ROBO2: variants seen among roughly 807,000 people sequenced by gnomAD.
ROBO2 encodes the protein roundabout guidance receptor 2, also known as roundabout homolog 2.
In ROBO2, 53 loss-of-function variants were observed where a neutral mutation model predicts 160.8. That is an observed-to-expected ratio of 0.33 (90% CI 0.26 to 0.41). The LOEUF is 0.41. Among genes scored for constraint, ROBO2 ranks in the 10% least tolerant of loss-of-function variants. The pLI, the probability that ROBO2 is intolerant of heterozygous loss-of-function variation, is 1.00. For missense variants in ROBO2, 1,577 were observed against 1,722.4 expected, an observed-to-expected ratio of 0.92 and a Z score of 1.49; for synonymous variants, 664 against 611.7, an observed-to-expected ratio of 1.09 and a Z score of -1.26.
chr3:77,126,199 A>T (rs1056729880), intron 2 of ROBO2, among the ~76,000 whole-genome samples: 2 of 152,186 alleles, frequency 1.3e-5, no homozygotes, highest in Non-Finnish European at 2.9e-5. Context: ...AATTGTGATG[A>T]CTTGTAGCTG....
intron 2 of ROBO2, among the ~76,000 whole-genome samples, chr3:77,207,543 A>G (rs1579980441): frequency 6.6e-6 from 1 of 152,340 alleles, no homozygotes; most frequent in Non-Finnish European, 1.5e-5. Context: ...AGGAATGTAC[A>G]TAAGTGGAGT....
At chr3:76,988,153 A>T (rs2060484532) in intron 2 of ROBO2, among the ~76,000 whole-genome samples, 1 of 152,216 alleles carries the variant, frequency 6.6e-6, no homozygotes. Context: ...GTAGATTTTT[A>T]AAATAATCAG....
chr3:77,214,362 T>C (rs924271817), intron 2 of ROBO2, among the ~76,000 whole-genome samples: 1 of 152,178 alleles, frequency 6.6e-6, no homozygotes, highest in Non-Finnish European at 1.5e-5. Flanking sequence ...TTGATCTTTG[T>C]TGGTTTAAAG....
chr3:77,491,960 A>T (rs1441484423), intron 4 of ROBO2, among the ~76,000 whole-genome samples: 1 of 152,134 alleles, frequency 6.6e-6, no homozygotes, highest in Non-Finnish European at 1.5e-5. Flanking sequence ...ATGGATCTTG[A>T]TTTAGTCAAT....
At chr3:76,391,589 T>G (rs959831972) in intron 2 of ROBO2, among the ~76,000 whole-genome samples, 1 of 152,064 alleles carries the variant, frequency 6.6e-6, no homozygotes, top group African/African-American at 2.4e-5. Flanking sequence ...TGGCACAATT[T>G]TGGTTCACTG....
chr3:76,716,057 A>C (rs1479674687), intron 2 of ROBO2, among the ~76,000 whole-genome samples: 1 of 151,734 alleles, frequency 6.6e-6, no homozygotes, highest in Non-Finnish European at 1.5e-5. Context: ...TTTGTAAATA[A>C]TACTAAAATG....
At chr3:77,487,306 T>C (rs1330363005) in intron 4 of ROBO2, among the ~76,000 whole-genome samples, 1 of 152,170 alleles carries the variant, frequency 6.6e-6, no homozygotes, top group Non-Finnish European at 1.5e-5. Context: ...TAAATACTAA[T>C]GGTGGAATGA....
chr3:77,045,650 C>G (rs1401211095), intron 1 of ROBO2, among the ~76,000 whole-genome samples: 2 of 152,164 alleles, frequency 1.3e-5, no homozygotes, highest in Non-Finnish European at 1.5e-5. Context: ...AATGAGGAAC[C>G]ATTTTTCACT....
At chr3:76,335,767 A>G (rs921217831) in intron 2 of ROBO2, among the ~76,000 whole-genome samples, 10 of 151,822 alleles carry the variant, frequency 6.6e-5, no homozygotes, top group East Asian at 5.9e-4. Flanking sequence ...TAGTAGAGAC[A>G]GGGTTTCACC....
intron 2 of ROBO2, among the ~76,000 whole-genome samples, chr3:76,740,220 G>A (rs746723119): frequency 6.6e-6 from 1 of 152,134 alleles, no homozygotes; most frequent in Non-Finnish European, 1.5e-5. Context: ...ATAAAAAGGA[G>A]AAAAATGTCT....
intron 2 of ROBO2, among the ~76,000 whole-genome samples, chr3:76,918,472 G>A (rs901137666): frequency 2.6e-5 from 4 of 152,132 alleles, no homozygotes; most frequent in Admixed American, 1.3e-4. Context: ...TGTGAGAACA[G>A]ACTAATACAA....
intron 2 of ROBO2, among the ~76,000 whole-genome samples, chr3:76,276,287 T>A (rs766749884): frequency 1.4e-4 from 22 of 152,096 alleles, no homozygotes; most frequent in Non-Finnish European, 2.8e-4. Context: ...TCTGTTCTAA[T>A]ATCTATCAAT....
intron 1 of ROBO2, among the ~76,000 whole-genome samples, chr3:75,916,761 T>A (rs1946826067): frequency 6.6e-6 from 1 of 151,906 alleles, no homozygotes; most frequent in Non-Finnish European, 1.5e-5. Flanking sequence ...GGGGAGATAA[T>A]GGTTAAAAAC....
chr3:77,591,900 C>T (rs2094189518), intron 17 of ROBO2, among the ~76,000 whole-genome samples: 1 of 152,152 alleles, frequency 6.6e-6, no homozygotes, highest in Admixed American at 6.5e-5. Context: ...TCTCTGCACA[C>T]AGACACACAA....
intron 1 of ROBO2, among the ~76,000 whole-genome samples, chr3:77,079,242 C>G (rs1328709382): frequency 1.3e-5 from 2 of 152,104 alleles, no homozygotes; most frequent in Non-Finnish European, 2.9e-5. Context: ...CCACCGCACC[C>G]AGCTGCTATA....
At chr3:76,816,853 A>T (rs2065708976) in intron 2 of ROBO2, among the ~76,000 whole-genome samples, 2 of 152,138 alleles carry the variant, frequency 1.3e-5, no homozygotes, top group African/African-American at 4.8e-5. Flanking sequence ...GGAAAAAGAA[A>T]TGTGGCACAT....
At chr3:76,316,484 C>G (rs1023403819) in intron 2 of ROBO2, among the ~76,000 whole-genome samples, 5 of 132,218 alleles carry the variant, frequency 3.8e-5, no homozygotes, top group South Asian at 2.2e-4. Context: ...GCAGTCAGAC[C>G]TTATGGTCGT....
rs537542560 is a variant in ROBO2 at position 76,076,235 on chromosome 3, A to T, written c.109+138633A>T. ...TGGATGGTTCACTTAGGTTATGTAAATCTATAACCATGTATCAGAGTTTTT... is the reference window on the plus strand; with the variant it reads ...TGGATGGTTCACTTAGGTTATGTAATTCTATAACCATGTATCAGAGTTTTT... On this transcript the variant is annotated intron_variant, in intron 2 of 26. Transcript: ENST00000487694. 3.9e-5 allele frequency among the ~76,000 whole-genome samples: 6 copies of T among 152,316 alleles called. No homozygotes were observed. The South Asian group carries it at 1.2e-3, about 32-fold the overall frequency.
chr3:76,151,102 A>G (rs1349145297), intron 2 of ROBO2, among the ~76,000 whole-genome samples: 2 of 152,214 alleles, frequency 1.3e-5, no homozygotes, highest in South Asian at 2.1e-4. Flanking sequence ...TCAGAAAAAT[A>G]TCTTCAAAAT....
Sources: allele counts gnomAD v4.1 joint callset (sites outside exome capture counted in the v4.1 genomes callset), GRCh38; gene constraint gnomAD v4.1.1; transcripts MANE v1.5; gene names NCBI Gene and HGNC (gene_info 2026-07-23, HGNC 2026-07-21).